The following PPP1R9A variants were observed in gnomAD, a reference collection of about 807,000 sequenced individuals.
The protein encoded by PPP1R9A is protein phosphatase 1 regulatory subunit 9A.
In PPP1R9A, 59 loss-of-function variants were observed where a neutral mutation model predicts 141.9. The ratio of observed to expected loss-of-function variants is 0.42; its 90% confidence interval spans 0.34 to 0.52. The LOEUF (loss-of-function observed/expected upper bound fraction) is 0.52, where lower values mean the gene tolerates loss of function less well. PPP1R9A is among the 20% of genes least tolerant of loss of function. The pLI, the probability that PPP1R9A is intolerant of heterozygous loss-of-function variation, is 0.10. For missense variants in PPP1R9A, 1,444 were observed against 1,611.9 expected (o/e 0.90, Z 1.78); for synonymous variants, 500 against 569.7 (o/e 0.88, Z 1.74).
intron 4 of PPP1R9A, among the ~76,000 whole-genome samples, chr7:95,131,074 G>C (rs912729681): frequency 1.3e-5 from 2 of 152,170 alleles, no homozygotes; most frequent in African/African-American, 4.8e-5. Flanking sequence ...TGATTTGGCA[G>C]GGGCTGGGGC....
intron 2 of PPP1R9A, among the ~76,000 whole-genome samples, chr7:94,916,050 T>C (rs1394038889): frequency 6.6e-6 from 1 of 152,226 alleles, no homozygotes; most frequent in Admixed American, 6.5e-5. Flanking sequence ...ATTTATTTTA[T>C]TGTTGTCATG....
intron 8 of PPP1R9A, among the ~76,000 whole-genome samples, chr7:95,239,998 A>G (rs1797224572): frequency 6.6e-6 from 1 of 152,032 alleles, no homozygotes; most frequent in Admixed American, 6.6e-5. Context: ...TCTCAGGTTA[A>G]TCAGTATCCA....
Position 95,094,112 on chromosome 7 carries a change from TTA to T in PPP1R9A, c.1396-17146_1396-17145del, listed in dbSNP as rs1227876930. The stretch of plus-strand genomic sequence containing the variant: ...GAGACCAACAAATATGAAAGAAAGC[TTA>T]GCAAACATATAACAAAATAGTAACA... On this transcript the variant is annotated intron_variant, in intron 2 of 19. Coordinates refer to ENST00000433360, the MANE Select transcript of PPP1R9A (RefSeq NM_001166160.2). Among the ~76,000 whole-genome samples, 3 of 152,160 alleles carry T rather than the reference TTA, an allele frequency of 2.0e-5. No individual in the cohort carries two copies. The East Asian group carries it at 5.8e-4, about 29-fold the overall frequency.
intron 5 of PPP1R9A, among the ~76,000 whole-genome samples, chr7:95,186,028 A>C (rs902913490): frequency 9.3e-6 from 1 of 107,534 alleles, no homozygotes; most frequent in African/African-American, 3.5e-5. Context: ...TTCCATAGAA[A>C]TTTTTAGGAT....
At chr7:95,197,427 T>C (rs1158594490) in intron 5 of PPP1R9A, among the ~76,000 whole-genome samples, 1 of 152,140 alleles carries the variant, frequency 6.6e-6, no homozygotes, top group Non-Finnish European at 1.5e-5. Flanking sequence ...TCTTTAGGCT[T>C]TTTTTATAGG....
At chr7:95,139,989 G>C (rs1487970636) in intron 4 of PPP1R9A, among the ~76,000 whole-genome samples, 1 of 152,082 alleles carries the variant, frequency 6.6e-6, no homozygotes, top group African/African-American at 2.4e-5. Flanking sequence ...GCTACCAAAG[G>C]CATTACTACT....
At chr7:94,989,245 A>G (rs854742) in intron 2 of PPP1R9A, among the ~76,000 whole-genome samples, 59,354 of 151,900 alleles carry the variant, frequency 0.39, 12,443 homozygotes, top group Middle Eastern at 0.51. Flanking sequence ...AGATACAAAT[A>G]ATGAGTTATC....
At chr7:95,012,439 G>A (rs894074470) in intron 2 of PPP1R9A, among the ~76,000 whole-genome samples, 11 of 152,022 alleles carry the variant, frequency 7.2e-5, no homozygotes, top group African/African-American at 2.7e-4. Context: ...CTCCCACCAG[G>A]CCCCACCTCC....
intron 16 of PPP1R9A, among the ~76,000 whole-genome samples, chr7:95,283,453 G>A (rs1480846427): frequency 6.6e-6 from 1 of 152,192 alleles, no homozygotes; most frequent in Non-Finnish European, 1.5e-5. Context: ...AGTGGGAGAT[G>A]AGGACTTCAG....
intron 7 of PPP1R9A, among the ~76,000 whole-genome samples, chr7:95,210,399 G>A (rs1791830714): frequency 6.6e-6 from 1 of 151,946 alleles, no homozygotes; most frequent in Non-Finnish European, 1.5e-5. Context: ...TATTTGAAAG[G>A]ATATTTTTGT....
At chr7:95,207,561 G>T (rs10953140) in intron 7 of PPP1R9A, among the ~76,000 whole-genome samples, 1 of 151,978 alleles carries the variant, frequency 6.6e-6, no homozygotes, top group Non-Finnish European at 1.5e-5. Context: ...ATCATAGCTA[G>T]GTTGGGTTTA....
At chr7:94,972,522 C>A (rs898430199) in intron 2 of PPP1R9A, among the ~76,000 whole-genome samples, 3 of 151,988 alleles carry the variant, frequency 2.0e-5, no homozygotes, top group African/African-American at 7.3e-5. Context: ...ATTTTCTCAA[C>A]CTTCAATTTG....
chr7:95,114,709 C>G (rs1269355907), intron 3 of PPP1R9A, among the ~76,000 whole-genome samples: 1 of 151,884 alleles, frequency 6.6e-6, no homozygotes, highest in African/African-American at 2.4e-5. Flanking sequence ...ATATAATGAA[C>G]TCTATTTCAA....
chr7:94,952,778 C>G (rs1187961799), intron 2 of PPP1R9A, among the ~76,000 whole-genome samples: 1 of 152,032 alleles, frequency 6.6e-6, no homozygotes, highest in Non-Finnish European at 1.5e-5. Flanking sequence ...TGTTCATATC[C>G]TTCACCTACT....
chr7:95,272,920 C>T (rs1261180611), intron 14 of PPP1R9A, among the ~76,000 whole-genome samples: 1 of 152,128 alleles, frequency 6.6e-6, no homozygotes, highest in Non-Finnish European at 1.5e-5. Flanking sequence ...AAGAGTTTCA[C>T]ACATAAAAAA....
At chr7:94,999,745 G>A (rs986238027) in intron 2 of PPP1R9A, among the ~76,000 whole-genome samples, 1 of 151,764 alleles carries the variant, frequency 6.6e-6, no homozygotes, top group Non-Finnish European at 1.5e-5. Context: ...AAGAAGAATA[G>A]CATCACTACC....
intron 5 of PPP1R9A, among the ~76,000 whole-genome samples, chr7:95,194,621 A>C (rs1193272119): frequency 6.6e-6 from 1 of 152,044 alleles, no homozygotes; most frequent in Non-Finnish European, 1.5e-5. Flanking sequence ...GCAAGGTCGC[A>C]GAATACAAGG....
At chr7:95,167,832 A>C (rs1831500463) in intron 5 of PPP1R9A, among the ~76,000 whole-genome samples, 1 of 152,134 alleles carries the variant, frequency 6.6e-6, no homozygotes, top group Admixed American at 6.6e-5. Flanking sequence ...CCTAGGAATA[A>C]GTTTAACCAA....
intron 2 of PPP1R9A, among the ~76,000 whole-genome samples, chr7:94,982,130 C>T (rs1363378352): frequency 6.6e-6 from 1 of 152,114 alleles, no homozygotes; most frequent in East Asian, 1.9e-4. Context: ...CAGCTTCATC[C>T]ATGTCCCTAC....
Sources: gnomAD v4.1 joint callset for allele counts (sites outside exome capture counted in the v4.1 genomes callset) on GRCh38, gnomAD v4.1.1 for gene constraint, MANE v1.5 for transcripts, NCBI Gene and HGNC (gene_info 2026-07-23, HGNC 2026-07-21) for gene names.